TRMT61B: variants seen among roughly 807,000 people sequenced by gnomAD.
TRMT61B encodes tRNA (adenine(58)-N(1))-methyltransferase, mitochondrial.
In TRMT61B, 56 loss-of-function variants were observed where a neutral mutation model predicts 52.0. The ratio of observed to expected loss-of-function variants is 1.08; its 90% CI spans 0.87 to 1.35. TRMT61B has a LOEUF of 1.35. TRMT61B is among the 40% of genes most tolerant of loss of function. TRMT61B has a pLI of 0.00. For missense variants in TRMT61B, 650 were observed against 577.9 expected (o/e 1.12, Z -1.28); for synonymous variants, 206 against 220.0 (o/e 0.94, Z 0.56).
intron 3 of TRMT61B, among the ~76,000 whole-genome samples, chr2:28,859,601 CT>C (rs754062792): frequency 2.0e-5 from 3 of 152,006 alleles, no homozygotes; most frequent in Non-Finnish European, 2.9e-5. Context: ...CTGACACCCC[CT>C]CTCCTTCTCT....
At chr2:28,851,855 G>A (rs866736087) in intron 4 of TRMT61B, among the ~76,000 whole-genome samples, 46 of 140,138 alleles carry the variant, frequency 3.3e-4, no homozygotes, top group African/African-American at 1.2e-3. Context: ...CCCCAGCCTG[G>A]GTGACAAAGC....
rs1353874365 is a variant in TRMT61B, at chr2:28,870,181, CG to C, written c.96del (p.Phe32LeufsTer41). ...SFLHGLGQEP[F>X]EGARSLCCRS... ...CTGCAACACAGTGACCGAGCTCCCT[CG>C]AAGGGCTCCTGCCCCAGGCCGTGCA... On this transcript the variant is annotated frameshift_variant, in exon 1 of 7. Coordinates refer to ENST00000306108, the MANE Select transcript of TRMT61B (RefSeq NM_017910.4). LOFTEE classifies it high-confidence loss of function. 2 of 1,613,354 alleles carry C rather than the reference CG, an allele frequency of 1.2e-6. No homozygotes were observed. The highest frequency in any genetic ancestry group is 3.3e-5 in the Admixed American group (2 of 60,028).
chr2:28,864,793 T>C (rs1669758268), intron 2 of TRMT61B, among the ~76,000 whole-genome samples: 1 of 151,986 alleles, frequency 6.6e-6, no homozygotes, highest in Non-Finnish European at 1.5e-5. Context: ...TTAGAGAGCA[T>C]GGAGAAAGTA....
Position 28,870,281 on chromosome 2 carries a change from GT to G in TRMT61B, c.-5del. ...CGCGGCACCATGCCATTAGCATAGT[GT>G]TTCGCGAAGGCGCCGTCGCAGACGA... is the stretch of plus-strand genomic sequence containing the variant. On this transcript the variant is annotated 5_prime_UTR_variant, in exon 1 of 7. Transcript: ENST00000306108. The G allele has an allele frequency of 6.5e-7, 1 of 1,544,680 alleles. No homozygotes were observed. Among genetic ancestry groups the G allele is most frequent in the Non-Finnish European group, 8.7e-7 (1 of 1,149,548 alleles).
intron 3 of TRMT61B, among the ~76,000 whole-genome samples, chr2:28,856,702 G>A (rs755542366): frequency 6.6e-6 from 1 of 151,534 alleles, no homozygotes; most frequent in Non-Finnish European, 1.5e-5. Context: ...TGGTGCGATC[G>A]TAGCTCACTG....
rs373261098 is a variant in TRMT61B, at chr2:28,852,473, A to T, written c.1020T>A (p.His340Gln). 3 of 1,612,432 alleles carry T rather than the reference A, an allele frequency of 1.9e-6. No individual in the cohort carries two copies. The South Asian group carries it at 3.3e-5, about 18-fold the overall frequency. The change falls in exon 4 of 7, where the codon CAT becomes CAA. Residue 340 changes from histidine (H) to glutamine (Q), a missense_variant. Coordinates refer to ENST00000306108, the MANE Select transcript of TRMT61B (RefSeq NM_017910.4). ...GTGGGTAAAAAACAGGCAAAGTAACATGAGGATTTAACATATCCAAAGCTA... is the reference window on the plus strand; with the variant it reads ...GTGGGTAAAAAACAGGCAAAGTAACTTGAGGATTTAACATATCCAAAGCTA... Reference protein sequence around the residue: ...DAVALDMLNPHVTLPVFYPHL... With the variant: ...DAVALDMLNPQVTLPVFYPHL...
chr2:28,851,421 A>C lies in TRMT61B; in HGVS notation c.1086-123T>G, dbSNP rs557901945. 38 of 657,210 alleles carry C rather than the reference A, an allele frequency of 5.8e-5. No homozygotes were observed. In the East Asian group the frequency reaches 1.1e-3, roughly 19 times the overall value. The allele number at this position is 657,210 out of a possible 1,614,324, so 40.7% of individuals were successfully genotyped here. A position where few individuals can be genotyped will look rare whatever the true frequency, so the allele number is the denominator to read the frequency against. On this transcript the variant is annotated intron_variant, in intron 4 of 6. Coordinates refer to ENST00000306108, the MANE Select transcript of TRMT61B (RefSeq NM_017910.4). Reference sequence around the variant, plus strand: ...TAAATTAAGGCAGGAGAGGGTTTAAATATGCAAGTTAGGAGGCATAAAAAG... The same window carrying C: ...TAAATTAAGGCAGGAGAGGGTTTAACTATGCAAGTTAGGAGGCATAAAAAG...
Position 28,849,907 on chromosome 2 carries a change from A to T in TRMT61B, c.*292T>A, listed in dbSNP as rs1258930967. 1.3e-6 allele frequency: 2 copies of T among 1,595,634 alleles called. No homozygotes were observed. The highest frequency in any genetic ancestry group is 1.7e-6 in the Non-Finnish European group (2 of 1,174,950). On this transcript the variant is annotated 3_prime_UTR_variant, in exon 7 of 7. Coordinates refer to ENST00000306108, the MANE Select transcript of TRMT61B (RefSeq NM_017910.4). ...AAAACTAATTTCTTGAAGAAAGACA[A>T]ATCTATGGAGTGGTTTACAGGAAGT...
At chr2:28,851,806 G>A (rs1669109639) in intron 4 of TRMT61B, among the ~76,000 whole-genome samples, 1 of 146,424 alleles carries the variant, frequency 6.8e-6, no homozygotes, top group Non-Finnish European at 1.5e-5. Context: ...TTGAACCCAG[G>A]AGGCGGAGGT....
intron 1 of TRMT61B, among the ~76,000 whole-genome samples, chr2:28,869,173 T>C (rs968907319): frequency 3.9e-5 from 6 of 152,236 alleles, no homozygotes; most frequent in African/African-American, 1.4e-4. Flanking sequence ...AACATGATTA[T>C]TGAATATTAA....
Position 28,850,234 on chromosome 2 carries a change from CAAGAA to C in TRMT61B, c.1394_1398del (p.Phe465CysfsTer11). ...TGTGGTTTGACCTTCCTCAACTTGA[CAAGAA>C]AAGCTAATTTAAGAGAAGAAAAACA... On this transcript the variant is annotated frameshift_variant, in exon 7 of 7. Transcript: ENST00000306108. LOFTEE classifies it high-confidence loss of function. 6.2e-7 allele frequency: 1 copy of C among 1,611,306 alleles called. No individual in the cohort carries two copies. Among genetic ancestry groups the C allele is most frequent in the South Asian group, 1.1e-5 (1 of 90,546 alleles).
In TRMT61B at chr2:28,861,211, T is replaced by C. The variant is rs1391671914; in HGVS notation, c.900A>G (p.Leu300=). Residue 300 remains leucine, a synonymous_variant, in exon 3 of 7, where the codon TTA becomes TTG. Transcript: ENST00000306108. ...TGTCTGGCCACTCTTCTACATGACT[T>C]AATTTCCATGAATCACGCCAGTGTT... The part of the protein sequence containing the change: ...NYKHWRDSWK[L]SHVEEWPDNV... 1 of 1,613,988 alleles carries C rather than the reference T, an allele frequency of 6.2e-7. No homozygotes were observed. Among genetic ancestry groups the C allele is most frequent in the Admixed American group, 1.7e-5 (1 of 59,974 alleles).
At chr2:28,862,779 T>G (rs1669663477) in intron 2 of TRMT61B, among the ~76,000 whole-genome samples, 1 of 148,586 alleles carries the variant, frequency 6.7e-6, no homozygotes, top group Non-Finnish European at 1.5e-5. Flanking sequence ...TCACTTGAGG[T>G]CAGGAGTTCG....
intron 6 of TRMT61B, 34 bp from the exon 7 acceptor site, chr2:28,850,276 TATTA>T (rs754224292): frequency 1.9e-6 from 3 of 1,604,080 alleles, no homozygotes; most frequent in African/African-American, 2.7e-5. Flanking sequence ...AAAGTCATTA[TATTA>T]ATTAAAAGAA....
At position 28,869,714 on chromosome 2, in the gene TRMT61B, C is replaced by T. The variant is rs761067610; in HGVS notation, c.564G>A (p.Pro188=). 2.5e-6 allele frequency: 4 copies of T among 1,614,160 alleles called. No individual in the cohort carries two copies. The highest frequency in any genetic ancestry group is 2.2e-5 in the South Asian group (2 of 91,056). The change falls in exon 1 of 7, where the codon CCG becomes CCA. Residue 188 remains proline, a synonymous_variant. Transcript: ENST00000306108. ...GLLNSNWGAV[P]FGKIVGKFPG... ...GGAACTTCCCCACGATCTTGCCGAACGGGACTGCCCCCCAGTTACTATTTA... is the reference window on the plus strand; with the variant it reads ...GGAACTTCCCCACGATCTTGCCGAATGGGACTGCCCCCCAGTTACTATTTA...
At chr2:28,863,423 C>T (rs1162946541) in intron 2 of TRMT61B, among the ~76,000 whole-genome samples, 1 of 131,524 alleles carries the variant, frequency 7.6e-6, no homozygotes, top group Non-Finnish European at 1.6e-5. Flanking sequence ...AGAGTGAGAA[C>T]CCGCCTCAAA....
intron 2 of TRMT61B, 103 bp from the exon 3 acceptor site, chr2:28,861,411 T>C: frequency 2.3e-6 from 2 of 875,856 alleles, no homozygotes; most frequent in Non-Finnish European, 3.3e-6. Flanking sequence ...AAAAAAATAA[T>C]TCAAATAGTT....
rs193042170 is a variant in TRMT61B, at chr2:28,857,369, A to G, written c.993+3749T>C. Among the ~76,000 whole-genome samples the G allele has an allele frequency of 2.9e-3, 438 of 152,298 alleles. 1 individual carries two copies. The highest frequency in any genetic ancestry group is 3.1e-3 in the Non-Finnish European group (209 of 68,030). ...TTCTTAATAAATGCCTGTTGACTCC[A>G]GAAACAAAGTGGTTCAGAAATTCAG... is the stretch of plus-strand genomic sequence containing the variant. On this transcript the variant is annotated intron_variant, in intron 3 of 6. Coordinates refer to ENST00000306108, the MANE Select transcript of TRMT61B (RefSeq NM_017910.4).
intron 2 of TRMT61B, among the ~76,000 whole-genome samples, chr2:28,864,036 T>C (rs1405694005): frequency 6.6e-6 from 1 of 152,084 alleles, no homozygotes; most frequent in Non-Finnish European, 1.5e-5. Context: ...ATATGTTTAA[T>C]ATACACCTCT....
Sources: allele counts gnomAD v4.1 joint callset (sites outside exome capture counted in the v4.1 genomes callset), GRCh38; gene constraint gnomAD v4.1.1; transcripts MANE v1.5; gene names NCBI Gene and HGNC (gene_info 2026-07-23, HGNC 2026-07-21).